The following CCDC90B variants were observed in gnomAD, a reference collection of about 807,000 sequenced individuals.
CCDC90B encodes the protein coiled-coil domain-containing protein 90B, mitochondrial.
Under a neutral mutation model 37.0 loss-of-function variants are expected in CCDC90B, and 24 were observed. The ratio of observed to expected loss-of-function variants is 0.65; its 90% confidence interval spans 0.47 to 0.91. CCDC90B has a LOEUF of 0.91. Among genes scored for constraint, CCDC90B ranks in the 40% least tolerant of loss-of-function variants. The pLI, the probability that CCDC90B is intolerant of heterozygous loss-of-function variation, is 0.00. For synonymous variants in CCDC90B, 113 were observed against 101.1 expected, an observed-to-expected ratio of 1.12 and a Z score of -0.71; for missense variants, 319 against 299.0, an observed-to-expected ratio of 1.07 and a Z score of -0.49.
At chr11:83,284,726 A>G (rs1004617903) in intron 1 of CCDC90B, among the ~76,000 whole-genome samples, 1 of 152,252 alleles carries the variant, frequency 6.6e-6, no homozygotes, top group Non-Finnish European at 1.5e-5. Context: ...TTTTATGTTA[A>G]AACATTAACA....
Position 83,259,124 on chromosome 11 carries a change from G to A in CCDC90B, c.*2787C>T, listed in dbSNP as rs187002576. 7.2e-5 allele frequency: 11 copies of A among 152,264 alleles called. No individual in the cohort carries two copies. In the South Asian group the frequency reaches 8.3e-4, roughly 11 times the overall value. 9.4% of individuals were successfully genotyped at this position (152,264 alleles called of 1,614,324 possible). A position where few individuals can be genotyped will look rare whatever the true frequency, so the allele number is the denominator to read the frequency against. On this transcript the variant is annotated 3_prime_UTR_variant, in exon 9 of 9. Transcript: ENST00000529689. ...TATGAGTATCATTTATTCCACAGGC[G>A]TTTAACAAGTACCTCACATGTGTCT...
At chr11:83,283,069 G>GAA (rs34338159) in intron 1 of CCDC90B, among the ~76,000 whole-genome samples, 108,632 of 151,980 alleles carry the variant, frequency 0.71, 39,634 homozygotes, top group African/African-American at 0.85. Context: ...GCTCTTTACA[G>GAA]AAAGTTTGTC....
chr11:83,265,548 A>C (rs1864206256), intron 8 of CCDC90B, among the ~76,000 whole-genome samples: 1 of 152,192 alleles, frequency 6.6e-6, no homozygotes. Flanking sequence ...TAGATTCTGA[A>C]GGGTAACACA....
chr11:83,264,464 T>G (rs1864125549), intron 8 of CCDC90B, among the ~76,000 whole-genome samples: 1 of 152,158 alleles, frequency 6.6e-6, no homozygotes, highest in Admixed American at 6.5e-5. Flanking sequence ...CTATGAATAA[T>G]TTATAATGAA....
At chr11:83,277,594 T>C (rs969438272) in intron 3 of CCDC90B, among the ~76,000 whole-genome samples, 1 of 152,126 alleles carries the variant, frequency 6.6e-6, no homozygotes, top group African/African-American at 2.4e-5. Flanking sequence ...GCGATTCTCC[T>C]GCCTCAGCCT....
chr11:83,278,409 T>G (rs1173191530), intron 3 of CCDC90B, among the ~76,000 whole-genome samples: 6 of 152,356 alleles, frequency 3.9e-5, no homozygotes, highest in African/African-American at 1.4e-4. Flanking sequence ...AGATTAGCTC[T>G]TCTGTGGTGA....
intron 8 of CCDC90B, among the ~76,000 whole-genome samples, chr11:83,264,073 C>A (rs534759932): frequency 1.3e-5 from 2 of 152,124 alleles, no homozygotes; most frequent in African/African-American, 2.4e-5. Context: ...TATAGAAATA[C>A]TAGCACAGGG....
rs1565219282 is a variant in CCDC90B, at chr11:83,280,177, C to G, written c.184G>C (p.Asp62His). ...TPLEQRKLTFDTHALVQDLET... is the reference protein window; with the variant it reads ...TPLEQRKLTFHTHALVQDLET... Reference sequence around the variant, plus strand: ...AAGTCCTGAACCAATGCATGGGTATCAAAAGTTAATTTCCTTTGTTCTAAA... The same window carrying G: ...AAGTCCTGAACCAATGCATGGGTATGAAAAGTTAATTTCCTTTGTTCTAAA... Residue 62 changes from aspartate to histidine, a missense_variant, in exon 2 of 9, where the codon GAT (aspartate) becomes CAT (histidine). Physicochemically the swap from Asp to His is moderately conservative, Grantham distance 81. Transcript: ENST00000529689. 1.9e-6 allele frequency: 3 copies of G among 1,612,866 alleles called. No homozygotes were observed. Among genetic ancestry groups the G allele is most frequent in the African/African-American group, 2.7e-5 (2 of 74,984 alleles).
chr11:83,274,713 G>A lies in CCDC90B; in HGVS notation c.352C>T (p.His118Tyr), dbSNP rs374371360. The A allele has an allele frequency of 1.6e-5, 25 of 1,610,566 alleles. No individual in the cohort carries two copies. The highest frequency in any genetic ancestry group is 4.0e-5 in the African/African-American group (3 of 74,904). Residue 118 changes from histidine (H) to tyrosine (Y), a missense_variant, in exon 4 of 9, where the codon CAT becomes TAT. Coordinates refer to ENST00000529689, the MANE Select transcript of CCDC90B (RefSeq NM_021825.5). ...QEITVQQLMAHLDAIRKDMVI... is the reference protein window; with the variant it reads ...QEITVQQLMAYLDAIRKDMVI... ...ATGTCTTTCCTGATAGCATCCAAAT[G>A]AGCCATTAGCTGTTGTACTGTTATT... is the stretch of plus-strand genomic sequence containing the variant.
At chr11:83,274,163 A>G (rs1178405396) in intron 4 of CCDC90B, 171 bp from the exon 5 acceptor site, 2 of 423,346 alleles carry the variant, frequency 4.7e-6, no homozygotes, top group Non-Finnish European at 8.2e-6. Context: ...TATTCAGAAA[A>G]TAATTCTTAT....
rs774818870 is a variant in CCDC90B at position 83,286,055 on chromosome 11, A to G, written c.-83T>C. ...TTTCGGGCAAGGTAGTTCTGGCACC[A>G]CAGGAATGCTGGGAATTGTAGTTTT... On this transcript the variant is annotated 5_prime_UTR_variant, in exon 1 of 9. Coordinates refer to ENST00000529689, the MANE Select transcript of CCDC90B (RefSeq NM_021825.5). The G allele has an allele frequency of 2.6e-6, 4 of 1,545,586 alleles. No individual in the cohort carries two copies. Among genetic ancestry groups the G allele is most frequent in the South Asian group, 1.2e-5 (1 of 84,262 alleles).
At chr11:83,273,524 A>G in intron 7 of CCDC90B, 123 bp downstream of exon 7, 1 of 648,904 alleles carries the variant, frequency 1.5e-6, no homozygotes, top group Non-Finnish European at 2.4e-6. Context: ...AATAGCTATG[A>G]GGAAGCCAGA....
chr11:83,275,470 T>C (rs2135640390), intron 3 of CCDC90B, among the ~76,000 whole-genome samples: 2 of 151,882 alleles, frequency 1.3e-5, no homozygotes, highest in South Asian at 4.2e-4. Flanking sequence ...TGGAGTATTT[T>C]GGATTTCAGA....
At chr11:83,268,313 T>C (rs1276095644) in intron 7 of CCDC90B, among the ~76,000 whole-genome samples, 1 of 151,958 alleles carries the variant, frequency 6.6e-6, no homozygotes, top group Non-Finnish European at 1.5e-5. Context: ...GACTGGCAAA[T>C]TGGATAGAAT....
intron 1 of CCDC90B, among the ~76,000 whole-genome samples, chr11:83,281,750 T>C (rs769659955): frequency 1.5e-4 from 23 of 151,620 alleles, no homozygotes; most frequent in Non-Finnish European, 2.9e-4. Flanking sequence ...TAGTTACATA[T>C]TCCTGATTAG....
At chr11:83,268,380 T>A (rs1157040178) in intron 7 of CCDC90B, among the ~76,000 whole-genome samples, 1 of 149,994 alleles carries the variant, frequency 6.7e-6, no homozygotes, top group African/African-American at 2.5e-5. Context: ...AAGATGCACA[T>A]AGGCTCAAAA....
Position 83,278,811 on chromosome 11 carries a change from G to T in CCDC90B, c.239C>A (p.Ala80Glu), listed in dbSNP as rs1306688563. 1 of 1,612,974 alleles carries T rather than the reference G, an allele frequency of 6.2e-7. No homozygotes were observed. Among genetic ancestry groups the T allele is most frequent in the Non-Finnish European group, 8.5e-7 (1 of 1,179,268 alleles). The change falls in exon 3 of 9, where the codon GCA (alanine) becomes GAA (glutamate). Residue 80 changes from alanine to glutamate, a missense_variant. Coordinates refer to ENST00000529689, the MANE Select transcript of CCDC90B (RefSeq NM_021825.5). ...AGTTAACGCTGATACAATTGTTTCT[G>T]CTTGTGTTTTGTCAAATCCTGTAGG... ...LETHGFDKTQ[A>E]ETIVSALTAL...
chr11:83,281,579 G>C (rs1450364052), intron 1 of CCDC90B, among the ~76,000 whole-genome samples: 2 of 152,088 alleles, frequency 1.3e-5, no homozygotes, highest in Non-Finnish European at 2.9e-5. Context: ...ACACTGGTCA[G>C]TAATCTTTTT....
intron 7 of CCDC90B, among the ~76,000 whole-genome samples, chr11:83,270,686 A>G (rs1336584460): frequency 6.6e-6 from 1 of 152,220 alleles, no homozygotes; most frequent in African/African-American, 2.4e-5. Flanking sequence ...ATGCTCATGG[A>G]TAGGAAGAAT....
Sources: allele counts gnomAD v4.1 joint callset (sites outside exome capture counted in the v4.1 genomes callset), GRCh38; gene constraint gnomAD v4.1.1; transcripts MANE v1.5; gene names NCBI Gene and HGNC (gene_info 2026-07-23, HGNC 2026-07-21).